The following PDS5B variants were observed in gnomAD, a reference collection of about 807,000 sequenced individuals.
PDS5B encodes PDS5 cohesin associated factor B, also known as sister chromatid cohesion protein PDS5 homolog B.
PDS5B carries 51 observed loss-of-function variants against 184.1 expected under a neutral mutation model. That is an observed-to-expected ratio of 0.28 (90% CI 0.22 to 0.35). The LOEUF (loss-of-function observed/expected upper bound fraction) is 0.35, where lower values mean the gene tolerates loss of function less well. Ranked by LOEUF, PDS5B falls within the 10% of genes least tolerant of loss-of-function variation. The pLI is 1.00. For synonymous variants in PDS5B, 566 were observed against 569.2 expected, an observed-to-expected ratio of 0.99 and a Z score of 0.08; for missense variants, 1,180 against 1,723.3, an observed-to-expected ratio of 0.68 and a Z score of 5.58.
At chr13:32,771,002 A>G (rs1385043283) in intron 33 of PDS5B, 6 of 425,212 alleles carry the variant, frequency 1.4e-5, no homozygotes, top group Non-Finnish European at 2.5e-5. Flanking sequence ...TTTCCTATAC[A>G]GACTTTATGA....
chr13:32,773,366 A>G, intron 34 of PDS5B, 42 bp downstream of exon 34: 2 of 1,544,176 alleles, frequency 1.3e-6, no homozygotes, highest in Admixed American at 2.0e-5. Flanking sequence ...GGATATAAAA[A>G]GAGTTAGTAA....
intron 33 of PDS5B, among the ~76,000 whole-genome samples, chr13:32,771,876 A>T (rs1378491797): frequency 6.6e-6 from 1 of 152,056 alleles, no homozygotes; most frequent in Non-Finnish European, 1.5e-5. Context: ...TTCAGGGTTT[A>T]AATGATTATT....
chr13:32,754,400 T>G (rs1954097363), intron 25 of PDS5B, among the ~76,000 whole-genome samples: 2 of 152,184 alleles, frequency 1.3e-5, no homozygotes, highest in Admixed American at 1.3e-4. Flanking sequence ...AATCTGTGTT[T>G]CATTTACTTT....
intron 25 of PDS5B, among the ~76,000 whole-genome samples, chr13:32,754,852 A>G (rs1954118668): frequency 6.6e-6 from 1 of 152,182 alleles, no homozygotes; most frequent in Admixed American, 6.5e-5. Context: ...ATTGAAGTGT[A>G]GCTTCTGTCT....
chr13:32,732,711 A>G (rs1373176021), intron 20 of PDS5B, among the ~76,000 whole-genome samples: 3 of 152,078 alleles, frequency 2.0e-5, no homozygotes. Flanking sequence ...ATTTTATATT[A>G]TTTTATCCAC....
chr13:32,647,699 A>G lies in PDS5B; in HGVS notation c.-19-1055A>G, dbSNP rs546296265. 9.4e-4 allele frequency among the ~76,000 whole-genome samples: 142 copies of G among 151,760 alleles called. 1 individual carries two copies. The highest frequency in any genetic ancestry group is 3.2e-3 in the African/African-American group (132 of 41,394). On this transcript the variant is annotated intron_variant, in intron 1 of 34. Transcript: ENST00000315596. ...AAAATCTTCTAGTTTAGTCTTTATA[A>G]TTTTTTTTGTTTCCTGTAGATATTT...
At chr13:32,726,559 G>A (rs1952908039) in intron 19 of PDS5B, among the ~76,000 whole-genome samples, 1 of 152,200 alleles carries the variant, frequency 6.6e-6, no homozygotes, top group South Asian at 2.1e-4. Flanking sequence ...ATGTAAGAGT[G>A]TCTGCTTCCC....
intron 18 of PDS5B, among the ~76,000 whole-genome samples, chr13:32,708,989 T>G (rs1207379682): frequency 6.6e-6 from 1 of 152,132 alleles, no homozygotes; most frequent in Non-Finnish European, 1.5e-5. Context: ...TCTTTTTTCT[T>G]GCCTGCTTAC....
chr13:32,638,581 G>C (rs1178303332), intron 1 of PDS5B, among the ~76,000 whole-genome samples: 1 of 152,160 alleles, frequency 6.6e-6, no homozygotes, highest in African/African-American at 2.4e-5. Context: ...GTCTAAACAG[G>C]TATGTTGTAT....
At chr13:32,651,051 T>C (rs1950355528) in intron 2 of PDS5B, among the ~76,000 whole-genome samples, 1 of 152,244 alleles carries the variant, frequency 6.6e-6, no homozygotes, top group Non-Finnish European at 1.5e-5. Context: ...ATCATCATTG[T>C]AATTACTAAT....
Position 32,775,097 on chromosome 13 carries a change from C to CATTT in PDS5B, c.*45_*46insATTT. ...TTCTCTGTGAAAGCTTTGGAAAAAT[C>CATTT]TTTTTTTTTTTTTTTGGTCAAGCTT... On this transcript the variant is annotated 3_prime_UTR_variant, in exon 35 of 35. Coordinates refer to ENST00000315596, the MANE Select transcript of PDS5B (RefSeq NM_015032.4). 8.1e-6 allele frequency: 7 copies of CATTT among 862,706 alleles called. No homozygotes were observed. The highest frequency in any genetic ancestry group is 1.7e-5 in the South Asian group (1 of 59,242). The allele number at this position is 862,706 out of a possible 1,614,324, so 53.4% of individuals were successfully genotyped here.
intron 3 of PDS5B, among the ~76,000 whole-genome samples, chr13:32,657,080 T>C (rs1056170195): frequency 6.6e-6 from 1 of 152,250 alleles, no homozygotes; most frequent in Non-Finnish European, 1.5e-5. Context: ...GTTCTGTAGA[T>C]GTCTGTTAGG....
At chr13:32,623,210 C>CA (rs1221091382) in intron 1 of PDS5B, among the ~76,000 whole-genome samples, 1 of 152,142 alleles carries the variant, frequency 6.6e-6, no homozygotes, top group East Asian at 1.9e-4. Context: ...AAAAATATCT[C>CA]AAACACTAGT....
chr13:32,691,448 TC>T (rs1951548125), intron 13 of PDS5B, among the ~76,000 whole-genome samples: 1 of 152,138 alleles, frequency 6.6e-6, no homozygotes, highest in Admixed American at 6.6e-5. Flanking sequence ...CTGCATTACT[TC>T]CTTTTTTATT....
intron 1 of PDS5B, among the ~76,000 whole-genome samples, chr13:32,600,095 C>A (rs1171429755): frequency 6.6e-6 from 1 of 152,132 alleles, no homozygotes; most frequent in Non-Finnish European, 1.5e-5. Context: ...TCAGTGAATG[C>A]ACCCTTCAGT....
At chr13:32,689,799 G>A (rs925685213) in intron 13 of PDS5B, 3 of 152,076 alleles carry the variant, frequency 2.0e-5, no homozygotes, top group African/African-American at 7.2e-5. Context: ...TTGTTGGTTT[G>A]TCATAGCCTA....
chr13:32,701,086 C>T (rs1405295429), intron 16 of PDS5B: 2 of 275,562 alleles, frequency 7.3e-6, no homozygotes, highest in African/African-American at 2.2e-5. Flanking sequence ...AATGTCTATC[C>T]AGTAATTTCA....
chr13:32,656,558 G>C (rs1430321791), intron 3 of PDS5B, among the ~76,000 whole-genome samples: 1 of 149,110 alleles, frequency 6.7e-6, no homozygotes, highest in Non-Finnish European at 1.5e-5. Flanking sequence ...TACCACCTTG[G>C]GTAGCTGTAT....
At chr13:32,740,973 C>A in intron 21 of PDS5B, 107 bp from the exon 22 acceptor site, 1 of 660,700 alleles carries the variant, frequency 1.5e-6, no homozygotes, top group Non-Finnish European at 2.7e-6. Flanking sequence ...TAACAAATGT[C>A]ACTGCAGAAG....
Sources: gnomAD v4.1 joint callset for allele counts (sites outside exome capture counted in the v4.1 genomes callset) on GRCh38, gnomAD v4.1.1 for gene constraint, MANE v1.5 for transcripts, NCBI Gene and HGNC (gene_info 2026-07-23, HGNC 2026-07-21) for gene names.